The following NPIPA5 variants were observed in gnomAD, a reference collection of about 807,000 sequenced individuals.
NPIPA5 encodes nuclear pore complex interacting protein family member A5, also known as nuclear pore complex-interacting protein family member A5.
In NPIPA5, 6 loss-of-function variants were observed where a neutral mutation model predicts 21.4. The observed-to-expected ratio is 0.28, with a 90% CI of 0.15 to 0.55. The LOEUF (loss-of-function observed/expected upper bound fraction) is 0.55. NPIPA5 is among the 20% of genes least tolerant of loss of function. NPIPA5 has a pLI of 0.93. For missense variants in NPIPA5, 99 were observed against 318.2 expected, an observed-to-expected ratio of 0.31 and a Z score of 5.24; for synonymous variants, 33 against 115.3, an observed-to-expected ratio of 0.29 and a Z score of 4.57.
At chr16:15,374,466 G>A (rs982475523) in intron 1 of NPIPA5, among the ~76,000 whole-genome samples, 3 of 151,518 alleles carry the variant, frequency 2.0e-5, no homozygotes, top group Non-Finnish European at 4.4e-5. Flanking sequence ...AAAGTGCTGG[G>A]ATTACAGGTG....
chr16:15,371,338 T>C (rs1228531897), intron 2 of NPIPA5, among the ~76,000 whole-genome samples: 6 of 144,482 alleles, frequency 4.2e-5, no homozygotes, highest in East Asian at 2.3e-4. Flanking sequence ...TTGAACTTAA[T>C]GCAAAACATT....
rs1404715092 is a variant in NPIPA5 at position 15,366,026 on chromosome 16, G to A, written c.546-392C>T. Among the ~76,000 whole-genome samples, 2 of 54,036 alleles carry A rather than the reference G, an allele frequency of 3.7e-5. 1 individual carries two copies. The highest frequency in any genetic ancestry group is 8.7e-5 in the Non-Finnish European group (2 of 23,004). The allele number at this position is 54,036 out of a possible 152,430, so 35.4% of individuals were successfully genotyped here. A position where few individuals can be genotyped will look rare whatever the true frequency, so the allele number is the denominator to read the frequency against. On this transcript the variant is annotated intron_variant, in intron 5 of 7. Transcript: ENST00000360151. ...AGAGGTTGCAATGAGCCAAGATCAC[G>A]TCATTGCACTCCAGCCTGGGTGACA...
At position 15,366,669 on chromosome 16, in the gene NPIPA5, C is replaced by G. The variant is rs2049983395; in HGVS notation, c.529G>C (p.Glu177Gln). 3 of 1,240,570 alleles carry G rather than the reference C, an allele frequency of 2.4e-6. No individual in the cohort carries two copies. The highest frequency in any genetic ancestry group is 2.6e-5 in the East Asian group (1 of 38,976). 76.8% of individuals were successfully genotyped at this position (1,240,570 alleles called of 1,614,324 possible). A position where few individuals can be genotyped will look rare whatever the true frequency, so the allele number is the denominator to read the frequency against. Reference sequence around the variant, plus strand: ...TGAACTCACATGTAGGTGTGTATTTCTTTCATATCCAATTTCCCATTTTCC... The same window carrying G: ...TGAACTCACATGTAGGTGTGTATTTGTTTCATATCCAATTTCCCATTTTCC... ...AEENGKLDMK[E>Q]IHTYMEMFQR... The change falls in exon 5 of 8, where the codon GAA (glutamate) becomes CAA (glutamine). Residue 177 changes from glutamate to glutamine, a missense_variant. By Grantham distance (29) the Glu-to-Gln change is conservative (BLOSUM62 2). Around this residue, in one of 5 missense-constraint regions of NPIPA5, gnomAD observed 7 missense variants for 74.4 expected, o/e 0.09. Coordinates refer to ENST00000360151, the MANE Select transcript of NPIPA5 (RefSeq NM_001277325.2).
intron 4 of NPIPA5, among the ~76,000 whole-genome samples, chr16:15,368,311 TTTGTAGGGACTGAG>T (rs2050034652): frequency 6.6e-6 from 1 of 151,428 alleles, no homozygotes; most frequent in Non-Finnish European, 1.5e-5. Context: ...TACCCTGGCC[TTTGTAGGGACTGAG>T]CCTGCACAGA....
upstream of NPIPA5, among the ~76,000 whole-genome samples, chr16:15,380,568 C>A (rs1161483312): frequency 6.6e-6 from 1 of 151,958 alleles, no homozygotes. Flanking sequence ...GGTGATCCAC[C>A]AGCCTCAGCC....
intron 4 of NPIPA5, among the ~76,000 whole-genome samples, chr16:15,368,245 C>A (rs2050031955): frequency 6.7e-6 from 1 of 148,992 alleles, no homozygotes; most frequent in Admixed American, 6.7e-5. Flanking sequence ...CTGAAGTCCA[C>A]TGGCTCTGGT....
chr16:15,368,397 T>G (rs1229330404), intron 4 of NPIPA5, among the ~76,000 whole-genome samples: 1 of 152,064 alleles, frequency 6.6e-6, no homozygotes, highest in African/African-American at 2.4e-5. Flanking sequence ...GACTCCCATC[T>G]CTTCTGCAGC....
chr16:15,370,542 G>A (rs1296423283), intron 2 of NPIPA5, among the ~76,000 whole-genome samples: 6 of 146,186 alleles, frequency 4.1e-5, no homozygotes, highest in Admixed American at 7.3e-5. Flanking sequence ...ACCTGAGGTC[G>A]GGAGTTTGAG....
At chr16:15,368,227 G>A (rs1327590531) in intron 4 of NPIPA5, among the ~76,000 whole-genome samples, 3 of 147,718 alleles carry the variant, frequency 2.0e-5, no homozygotes, top group Non-Finnish European at 4.5e-5. Context: ...CAATGAAAGC[G>A]ACCCATACTG....
chr16:15,370,844 G>A (rs1289267328), intron 2 of NPIPA5, among the ~76,000 whole-genome samples: 1 of 147,490 alleles, frequency 6.8e-6, no homozygotes, highest in Non-Finnish European at 1.5e-5. Context: ...GTCCAGAGAT[G>A]GAGACCATCC....
chr16:15,380,335 T>TTC (rs1224139456), upstream of NPIPA5, among the ~76,000 whole-genome samples: 10 of 151,556 alleles, frequency 6.6e-5, no homozygotes, highest in Admixed American at 4.6e-4. Flanking sequence ...TAATTTTTTT[T>TTC]TTTTTTTGAC....
chr16:15,367,239 A>T (rs1327816704), intron 4 of NPIPA5, among the ~76,000 whole-genome samples: 1 of 152,160 alleles, frequency 6.6e-6, no homozygotes, highest in African/African-American at 2.4e-5. Context: ...AACTGAGACC[A>T]TCAGCCATAG....
At chr16:15,367,995 C>A (rs1369532521) in intron 4 of NPIPA5, among the ~76,000 whole-genome samples, 2 of 62,886 alleles carry the variant, frequency 3.2e-5, no homozygotes, top group South Asian at 5.9e-4. Context: ...GAATATAAAA[C>A]CCATGATTGA....
intron 4 of NPIPA5, among the ~76,000 whole-genome samples, chr16:15,369,428 C>G (rs1242968603): frequency 1.4e-5 from 2 of 144,588 alleles, no homozygotes; most frequent in Non-Finnish European, 3.0e-5. Context: ...GCCTGGGCAA[C>G]AAGAGCAAAG....
chr16:15,377,628 G>A (rs1455806010), intron 1 of NPIPA5, among the ~76,000 whole-genome samples: 2 of 126,260 alleles, frequency 1.6e-5, no homozygotes, highest in Non-Finnish European at 3.3e-5. Context: ...CTGAGTTGGG[G>A]AGGGGGAGGG....
intron 2 of NPIPA5, among the ~76,000 whole-genome samples, chr16:15,372,011 A>G: frequency 6.9e-6 from 1 of 145,754 alleles, no homozygotes; most frequent in Non-Finnish European, 1.5e-5. Flanking sequence ...AATGTCAAAC[A>G]CATGAAGAAA....
chr16:15,381,075 T>A, upstream of NPIPA5: 1 of 1,534,790 alleles, frequency 6.5e-7, no homozygotes, highest in Non-Finnish European at 8.7e-7. Context: ...GGGCTCATGA[T>A]GAGTGCCAAC....
intron 1 of NPIPA5, among the ~76,000 whole-genome samples, chr16:15,375,831 C>G (rs1410614976): frequency 5.9e-5 from 9 of 151,546 alleles, no homozygotes. Context: ...ATATTAATTC[C>G]ATTAGACTCT....
intron 1 of NPIPA5, among the ~76,000 whole-genome samples, chr16:15,377,039 T>G (rs2050316662): frequency 6.6e-6 from 1 of 152,208 alleles, no homozygotes; most frequent in East Asian, 1.9e-4. Flanking sequence ...TCACTTTGTT[T>G]TGGTCCGTTT....
Sources: allele counts gnomAD v4.1 joint callset (sites outside exome capture counted in the v4.1 genomes callset), GRCh38; gene constraint gnomAD v4.1.1; regional missense constraint gnomAD v4.1.1; transcripts MANE v1.5; gene names NCBI Gene and HGNC (gene_info 2026-07-23, HGNC 2026-07-21).